The following SETD1B variants were observed in gnomAD, a reference collection of about 807,000 sequenced individuals.
The protein encoded by SETD1B is histone-lysine N-methyltransferase SETD1B.
Under a neutral mutation model 148.0 loss-of-function variants are expected in SETD1B, and 7 were observed. The observed-to-expected ratio is 0.05, with a 90% confidence interval of 0.03 to 0.09. The LOEUF is 0.09. Ranked by LOEUF, SETD1B falls within the 10% of genes least tolerant of loss-of-function variation. SETD1B has a pLI of 1.00. For missense variants in SETD1B, 2,155 were observed against 2,729.9 expected, an observed-to-expected ratio of 0.79 and a Z score of 4.69; for synonymous variants, 1,361 against 1,186.5, an observed-to-expected ratio of 1.15 and a Z score of -3.02.
At chr12:121,793,384 G>A in the SETD1B span, 1 of 1,462,132 alleles carries the variant, frequency 6.8e-7, no homozygotes, top group Non-Finnish European at 9.3e-7. Flanking sequence ...GGGGCGCCCC[G>A]GGGTGGCGGC....
At chr12:121,809,311 A>G (rs896069500) in intron 5 of SETD1B, among the ~76,000 whole-genome samples, 2 of 152,220 alleles carry the variant, frequency 1.3e-5, no homozygotes, top group African/African-American at 4.8e-5. Context: ...CCTGAGGCAG[A>G]AAGAAAATCC....
intron 5 of SETD1B, among the ~76,000 whole-genome samples, chr12:121,809,208 G>A (rs77408535): frequency 0.021 from 3,226 of 152,254 alleles, 65 homozygotes; most frequent in Middle Eastern, 0.086. Context: ...AGCACTGGGT[G>A]ACTAGGAGGA....
intron 11 of SETD1B, among the ~76,000 whole-genome samples, chr12:121,822,121 A>G (rs1271769165): frequency 1.3e-5 from 2 of 152,238 alleles, no homozygotes; most frequent in African/African-American, 4.8e-5. Flanking sequence ...GACAGTGGAG[A>G]TAAGTGCTAG....
chr12:121,801,252 C>T (rs1227711450), upstream of SETD1B: 1 of 152,284 alleles, frequency 6.6e-6, no homozygotes, highest in African/African-American at 2.4e-5. Context: ...TTTTAAGCCC[C>T]CCCGTCTCCA....
In SETD1B at chr12:121,823,610, G is replaced by A; in HGVS notation, c.5031G>A (p.Glu1677=). The part of the protein sequence containing the change: ...PLFRPRSEFE[E]MTILYDIWNG... ...TCCGGCCCCGCTCGGAGTTTGAGGA[G>A]ATGACCATCCTGTATGACATCTGGA... The change falls in exon 12 of 17, where the codon GAG becomes GAA. Residue 1677 remains glutamate, a synonymous_variant. Coordinates refer to ENST00000604567, the MANE Select transcript of SETD1B (RefSeq NM_001353345.2). The A allele has an allele frequency of 3.2e-6, 5 of 1,551,554 alleles. 1 individual carries two copies. Among genetic ancestry groups the A allele is most frequent in the Non-Finnish European group, 4.4e-6 (5 of 1,146,988 alleles).
rs1875712351 is a variant in SETD1B, at chr12:121,805,763, G to A, written c.274-72G>A. ...AACGGGTGGGCGAGTTGCGGGCGGG[G>A]CGGGGGGGATGTTGTGTTTTCCCTT... On this transcript the variant is annotated intron_variant, in intron 3 of 16. Transcript: ENST00000604567. This position sits in a 1 kb window ranked among gnomAD's most constrained non-coding sequence, Gnocchi z 4.2. The A allele has an allele frequency of 7.1e-7, 1 of 1,412,226 alleles. No individual in the cohort carries two copies. The highest frequency in any genetic ancestry group is 1.4e-5 in the African/African-American group (1 of 69,786). The allele number at this position is 1,412,226 out of a possible 1,614,324, so 87.5% of individuals were successfully genotyped here. A position where few individuals can be genotyped will look rare whatever the true frequency, so the allele number is the denominator to read the frequency against.
Position 121,808,659 on chromosome 12 carries a change from C to T in SETD1B, c.657+339C>T, listed in dbSNP as rs1437117118. ...CGTTGATGCCAAACATTGCTGTTTC[C>T]GGGGTCCTTAGTGTCTGGTGTCCTG... On this transcript the variant is annotated intron_variant, in intron 5 of 16. Transcript: ENST00000604567. The surrounding 1 kb of genome is among the most constrained non-coding windows in gnomAD (Gnocchi z 5.3). Among the ~76,000 whole-genome samples, 5 of 152,336 alleles carry T rather than the reference C, an allele frequency of 3.3e-5. No homozygotes were observed. The highest frequency in any genetic ancestry group is 2.0e-4 in the Admixed American group (3 of 15,304).
rs368348128 is a variant in SETD1B at position 121,810,704 on chromosome 12, G to C, written c.1759G>C (p.Asp587His). Residue 587 changes from aspartate (D) to histidine (H), a missense_variant, in exon 6 of 17, where the codon GAC (aspartate) becomes CAC (histidine). Asp to His is a moderately conservative substitution (Grantham distance 81). This residue lies in a region of SETD1B where 295 missense variants were observed against 303.8 expected (regional missense o/e 0.97). Transcript: ENST00000604567. This position sits in a 1 kb window ranked among gnomAD's most constrained non-coding sequence, Gnocchi z 7.6. ...LPDSDEDEELDLGLGPRPPPE... is the reference protein window; with the variant it reads ...LPDSDEDEELHLGLGPRPPPE... ...AGACTCCGACGAGGACGAGGAGCTC[G>C]ACCTGGGCCTTGGGCCTCGGCCTCC... is the stretch of plus-strand genomic sequence containing the variant. 2 of 1,551,140 alleles carry C rather than the reference G, an allele frequency of 1.3e-6. No homozygotes were observed. The highest frequency in any genetic ancestry group is 2.4e-5 in the East Asian group (1 of 40,924).
rs558212175 is a variant in SETD1B at position 121,817,329 on chromosome 12, G to A, written c.2977+35G>A. ...CTGGGTGCTGGGGTCCCCTTCTTCC[G>A]CATCCCCCCAGCCCAGCTCTGACTC... On this transcript the variant is annotated intron_variant, in intron 8 of 16. Coordinates refer to ENST00000604567, the MANE Select transcript of SETD1B (RefSeq NM_001353345.2). The surrounding 1 kb of genome is among the most constrained non-coding windows in gnomAD (Gnocchi z 8.1). 9 of 1,540,360 alleles carry A rather than the reference G, an allele frequency of 5.8e-6. No homozygotes were observed. In the East Asian group the frequency reaches 7.4e-5, roughly 13 times the overall value.
Position 121,823,557 on chromosome 12 carries a change from C to T in SETD1B, c.4978C>T (p.Pro1660Ser). The change falls in exon 12 of 17, where the codon CCC becomes TCC. Residue 1660 changes from proline (P) to serine (S), a missense_variant. Around this residue, in one of 11 missense-constraint regions of SETD1B, gnomAD observed 862 missense variants for 873.8 expected, o/e 0.99. Transcript: ENST00000604567. ...HEDLVPPAGS[P>S]ELSPPQPLFR... is the part of the protein sequence containing the mutation. Reference sequence around the variant, plus strand: ...GGACCTGGTGCCACCTGCGGGCTCGCCCGAACTCTCGCCACCCCAGCCCCT... The same window carrying T: ...GGACCTGGTGCCACCTGCGGGCTCGTCCGAACTCTCGCCACCCCAGCCCCT... 1.9e-6 allele frequency: 3 copies of T among 1,551,074 alleles called. No homozygotes were observed. In the South Asian group the frequency reaches 3.6e-5, roughly 18 times the overall value.
chr12:121,823,451 G>A lies in SETD1B; in HGVS notation c.4872G>A (p.Gly1624=), dbSNP rs753793089. The A allele has an allele frequency of 1.4e-5, 21 of 1,549,670 alleles. No individual in the cohort carries two copies. Among genetic ancestry groups the A allele is most frequent in the Admixed American group, 5.9e-5 (3 of 50,946 alleles). Residue 1624 remains glycine (G), a synonymous_variant, in exon 12 of 17, where the codon GGG becomes GGA. Coordinates refer to ENST00000604567, the MANE Select transcript of SETD1B (RefSeq NM_001353345.2). ...AGGCCATTCCTCCGGGCCCCCGTGG[G>A]CGCGATGAGGTCACTGAGGAATACA... ...PSEAIPPGPR[G]RDEVTEEYME... is the part of the protein sequence containing the mutation.
At chr12:121,793,084 G>A in the SETD1B span, 213 of 1,353,926 alleles carry the variant, frequency 1.6e-4, 2 homozygotes, top group East Asian at 4.0e-3. Flanking sequence ...CCCAGTGGGG[G>A]ACGCCCGGGA....
chr12:121,822,469 T>C (rs1306956533), intron 11 of SETD1B, 21 bp from the exon 12 acceptor site: 2 of 1,514,830 alleles, frequency 1.3e-6, no homozygotes, highest in Admixed American at 4.3e-5. Flanking sequence ...AAATGTCTCG[T>C]GTTCGCTCAC....
chr12:121,798,223 T>TG, the SETD1B span, among the ~76,000 whole-genome samples: 1 of 152,142 alleles, frequency 6.6e-6, no homozygotes, highest in Non-Finnish European at 1.5e-5. Flanking sequence ...CCCCGGACCA[T>TG]GGGTGGGTGA....
Position 121,817,048 on chromosome 12 carries a change from G to C in SETD1B, c.2731G>C (p.Val911Leu), listed in dbSNP as rs1039092943. Residue 911 changes from valine (V) to leucine (L), a missense_variant, in exon 8 of 17, where the codon GTG (valine) becomes CTG (leucine). By Grantham distance (32) the Val-to-Leu change is conservative (BLOSUM62 1). Around this residue, in one of 11 missense-constraint regions of SETD1B, gnomAD observed 289 missense variants for 423.7 expected, o/e 0.68. Coordinates refer to ENST00000604567, the MANE Select transcript of SETD1B (RefSeq NM_001353345.2). This position sits in a 1 kb window ranked among gnomAD's most constrained non-coding sequence, Gnocchi z 8.1. ...ERMAKASLTPVKSGEHKDEDR... is the reference protein window; with the variant it reads ...ERMAKASLTPLKSGEHKDEDR... ...TCCACCCCAGGCCTCGCTGACCCCGGTGAAGTCGGGCGAGCACAAGGACGA... is the reference window on the plus strand; with the variant it reads ...TCCACCCCAGGCCTCGCTGACCCCGCTGAAGTCGGGCGAGCACAAGGACGA... 6.5e-7 allele frequency: 1 copy of C among 1,529,410 alleles called. No homozygotes were observed. Among genetic ancestry groups the C allele is most frequent in the Non-Finnish European group, 8.8e-7 (1 of 1,132,606 alleles). The allele number at this position is 1,529,410 out of a possible 1,614,324, so 94.7% of individuals were successfully genotyped here.
chr12:121,810,280 G>A lies in SETD1B; in HGVS notation c.1335G>A (p.Lys445=). 3.2e-6 allele frequency: 5 copies of A among 1,544,224 alleles called. No homozygotes were observed. The highest frequency in any genetic ancestry group is 4.4e-6 in the Non-Finnish European group (5 of 1,146,692). The change falls in exon 6 of 17, where the codon AAG becomes AAA. Residue 445 remains lysine, a synonymous_variant. Coordinates refer to ENST00000604567, the MANE Select transcript of SETD1B (RefSeq NM_001353345.2). The surrounding 1 kb of genome is among the most constrained non-coding windows in gnomAD (Gnocchi z 7.6). ...PPLPPAEPLA[K]EKPGTPPGPP... ...TGCCACCTGCTGAGCCTCTGGCCAA[G>A]GAGAAGCCAGGCACGCCACCCGGCC...
At chr12:121,803,198 T>G (rs1455609942), upstream of SETD1B, 1 of 137,630 alleles carries the variant, frequency 7.3e-6, no homozygotes, top group Non-Finnish European at 1.6e-5. This position sits in a 1 kb window ranked among gnomAD's most constrained non-coding sequence, Gnocchi z 4.7. Flanking sequence ...GCCTCGGAGT[T>G]GAACTCACAA....
At position 121,816,172 on chromosome 12, in the gene SETD1B, C is replaced by CA. The variant is rs201217489; in HGVS notation, c.2716-860dup. On this transcript the variant is annotated intron_variant, in intron 7 of 16. Coordinates refer to ENST00000604567, the MANE Select transcript of SETD1B (RefSeq NM_001353345.2). ...TATTATTTGCCTGTTTGCAATCTTA[C>CA]AGGTAATCTAAAATTACTTATTTTC... Among the ~76,000 whole-genome samples the CA allele has an allele frequency of 4.9e-4, 74 of 152,240 alleles. 1 individual carries two copies. In the East Asian group the frequency reaches 0.011, roughly 23 times the overall value.
intron 6 of SETD1B, among the ~76,000 whole-genome samples, chr12:121,813,056 C>T (rs992816668): frequency 1.3e-5 from 2 of 152,140 alleles, no homozygotes; most frequent in African/African-American, 4.8e-5. Flanking sequence ...TACCCCTCAC[C>T]ACCGCCCTGG....
Sources: gnomAD v4.1 joint callset for allele counts (sites outside exome capture counted in the v4.1 genomes callset) on GRCh38, gnomAD v4.1.1 for gene constraint, gnomAD v4.1.1 regional missense constraint, Gnocchi (gnomAD v3.1) non-coding constraint, MANE v1.5 for transcripts, NCBI Gene and HGNC (gene_info 2026-07-23, HGNC 2026-07-21) for gene names.